The following BCAS4 variants were observed in gnomAD, a reference collection of about 807,000 sequenced individuals.
BCAS4 encodes the protein breast carcinoma-amplified sequence 4.
A neutral mutation model predicts 15.7 loss-of-function variants in BCAS4; 9 were observed. The observed-to-expected ratio is 0.57, with a 90% CI of 0.34 to 1.00. The LOEUF is 1.00. BCAS4 is among the 50% of genes least tolerant of loss of function. The pLI is 0.02. For missense variants in BCAS4, 225 were observed against 239.1 expected (o/e 0.94, Z 0.39); for synonymous variants, 101 against 99.5 (o/e 1.02, Z -0.09).
At chr20:50,835,332 C>T (rs2123798001) in intron 3 of BCAS4, among the ~76,000 whole-genome samples, 1 of 150,446 alleles carries the variant, frequency 6.6e-6, no homozygotes, top group African/African-American at 2.5e-5. Flanking sequence ...GCAACCTCTG[C>T]CTCCCGGGTT....
At chr20:50,798,169 G>A (rs1234220283) in intron 1 of BCAS4, among the ~76,000 whole-genome samples, 2 of 151,760 alleles carry the variant, frequency 1.3e-5, no homozygotes, top group East Asian at 2.0e-4. Context: ...GGTGGCATGA[G>A]CCTGTAATCC....
At chr20:50,809,818 C>T (rs919044332) in intron 1 of BCAS4, among the ~76,000 whole-genome samples, 3 of 152,112 alleles carry the variant, frequency 2.0e-5, no homozygotes, top group African/African-American at 4.8e-5. Flanking sequence ...AGAAGTCTTT[C>T]ACCTCCTGGG....
At chr20:50,805,792 T>C (rs2087981749) in intron 1 of BCAS4, among the ~76,000 whole-genome samples, 1 of 152,078 alleles carries the variant, frequency 6.6e-6, no homozygotes, top group Non-Finnish European at 1.5e-5. Flanking sequence ...CTGGACAACA[T>C]GGCAAAACCT....
At chr20:50,861,259 C>T (rs1301631721) in intron 4 of BCAS4, among the ~76,000 whole-genome samples, 1 of 152,190 alleles carries the variant, frequency 6.6e-6, no homozygotes, top group East Asian at 1.9e-4. Context: ...AGACGAGTTC[C>T]CTGCGTGGTG....
intron 1 of BCAS4, among the ~76,000 whole-genome samples, chr20:50,817,708 C>T (rs974300293): frequency 2.6e-5 from 4 of 152,048 alleles, no homozygotes; most frequent in Non-Finnish European, 2.9e-5. Flanking sequence ...GTGATCCGCC[C>T]GCCTCACACA....
chr20:50,800,390 A>G lies in BCAS4; in HGVS notation c.90+5217A>G, dbSNP rs528796153. Among the ~76,000 whole-genome samples the G allele has an allele frequency of 6.6e-5, 10 of 152,110 alleles. No individual in the cohort carries two copies. In the East Asian group the frequency reaches 1.9e-3, roughly 29 times the overall value. ...GAGGGGGAGCAGCAGGAGATGGGGC[A>G]AGTGAAGGGGCACAAGCTCTGCCTG... On this transcript the variant is annotated intron_variant, in intron 1 of 4. Transcript: ENST00000371608.
At chr20:50,850,989 GGCTCAGCGT>G (rs1978383188) in intron 4 of BCAS4, among the ~76,000 whole-genome samples, 1 of 152,130 alleles carries the variant, frequency 6.6e-6, no homozygotes, top group Admixed American at 6.6e-5. Context: ...GTCAGTGCCA[GGCTCAGCGT>G]GCTCCCCTCC....
chr20:50,823,702 A>G (rs913138183), intron 2 of BCAS4, among the ~76,000 whole-genome samples: 4 of 152,208 alleles, frequency 2.6e-5, no homozygotes, highest in Non-Finnish European at 5.9e-5. Context: ...GCTTGACACA[A>G]GAATACATTC....
intron 1 of BCAS4, among the ~76,000 whole-genome samples, chr20:50,805,536 C>T (rs2087978921): frequency 6.6e-6 from 1 of 152,148 alleles, no homozygotes; most frequent in South Asian, 2.1e-4. Flanking sequence ...TAGCAGCCAG[C>T]CCATTTAAAT....
intron 1 of BCAS4, among the ~76,000 whole-genome samples, chr20:50,810,589 GT>G (rs11316235): frequency 0.19 from 26,096 of 135,786 alleles, 2,613 homozygotes; most frequent in African/African-American, 0.33. Context: ...TTTTTTTTGT[GT>G]TTTTTTTTTT....
chr20:50,802,490 T>G (rs1162166577), intron 1 of BCAS4, among the ~76,000 whole-genome samples: 1 of 152,212 alleles, frequency 6.6e-6, no homozygotes, highest in Non-Finnish European at 1.5e-5. Context: ...TCACAGGACA[T>G]GGCCTTGCTT....
intron 1 of BCAS4, among the ~76,000 whole-genome samples, chr20:50,809,189 A>G (rs1018345405): frequency 2.7e-5 from 4 of 150,198 alleles, no homozygotes; most frequent in Non-Finnish European, 4.4e-5. Context: ...CCATTGGTCT[A>G]TGTGCCTATT....
At chr20:50,805,776 A>G (rs1029480246) in intron 1 of BCAS4, among the ~76,000 whole-genome samples, 2 of 152,146 alleles carry the variant, frequency 1.3e-5, no homozygotes, top group African/African-American at 2.4e-5. Flanking sequence ...GTAGTTCAAG[A>G]CCAGCCTGGA....
downstream of BCAS4, chr20:50,879,735 A>C (rs1980080893): frequency 6.6e-6 from 1 of 152,216 alleles, no homozygotes; most frequent in Non-Finnish European, 1.5e-5. Context: ...CACAGGCCCC[A>C]CGCTAGGAGC....
chr20:50,828,408 C>T (rs1276079745), intron 2 of BCAS4, among the ~76,000 whole-genome samples: 3 of 151,912 alleles, frequency 2.0e-5, no homozygotes, highest in East Asian at 3.9e-4. Context: ...CAGATTTTCA[C>T]GATAACCACA....
At chr20:50,840,498 A>G (rs570075944) in intron 3 of BCAS4, 6 of 1,187,494 alleles carry the variant, frequency 5.1e-6, no homozygotes, top group African/African-American at 3.0e-5. Context: ...GGGGCAGCAC[A>G]GTCATTTAAA....
At chr20:50,878,540 G>C (rs1455636740), downstream of BCAS4, 1 of 151,548 alleles carries the variant, frequency 6.6e-6, no homozygotes, top group Non-Finnish European at 1.5e-5. Context: ...ACCCAGCCTG[G>C]AGTGCAGTGG....
intron 3 of BCAS4, among the ~76,000 whole-genome samples, chr20:50,831,259 T>A (rs2088340097): frequency 6.6e-6 from 1 of 152,014 alleles, no homozygotes; most frequent in African/African-American, 2.4e-5. Flanking sequence ...TGAAACCCTG[T>A]CCCTACTAAA....
chr20:50,847,025 T>G (rs989697834), intron 4 of BCAS4, among the ~76,000 whole-genome samples: 9 of 152,024 alleles, frequency 5.9e-5, no homozygotes, highest in African/African-American at 1.9e-4. Context: ...GAAAACTGTT[T>G]GGATTTGATG....
Sources: gnomAD v4.1 joint callset for allele counts (sites outside exome capture counted in the v4.1 genomes callset) on GRCh38, gnomAD v4.1.1 for gene constraint, MANE v1.5 for transcripts, NCBI Gene and HGNC (gene_info 2026-07-23, HGNC 2026-07-21) for gene names.